Variants in TENM4 observed in about 807,000 individuals in gnomAD.
TENM4 encodes the protein teneurin-4.
Under a neutral mutation model 243.3 loss-of-function variants are expected in TENM4, and 82 were observed. The ratio of observed to expected loss-of-function variants is 0.34; its 90% CI spans 0.28 to 0.40. The LOEUF is 0.40. Ranked by LOEUF, TENM4 falls within the 10% of genes least tolerant of loss-of-function variation. The probability of loss-of-function intolerance (pLI) is 1.00; values close to 1 mark genes in which losing one functional copy is unlikely to be tolerated. For synonymous variants in TENM4, 1,412 were observed against 1,456.3 expected, an observed-to-expected ratio of 0.97 and a Z score of 0.69; for missense variants, 3,138 against 3,673.3, an observed-to-expected ratio of 0.85 and a Z score of 3.77.
intron 2 of TENM4, among the ~76,000 whole-genome samples, chr11:79,267,065 C>T (rs1201614020): frequency 6.6e-6 from 1 of 152,126 alleles, no homozygotes; most frequent in East Asian, 1.9e-4. Context: ...CATGATTGGC[C>T]CCACCATCTA....
At chr11:79,361,720 A>C (rs1236113799) in intron 1 of TENM4, among the ~76,000 whole-genome samples, 3 of 152,220 alleles carry the variant, frequency 2.0e-5, no homozygotes, top group African/African-American at 7.2e-5. Context: ...ATAGCAAGAT[A>C]TGTTATTTAA....
chr11:79,284,939 T>G (rs1856222418), intron 2 of TENM4, among the ~76,000 whole-genome samples: 1 of 152,054 alleles, frequency 6.6e-6, no homozygotes, highest in Non-Finnish European at 1.5e-5. Flanking sequence ...TAAGAACATG[T>G]AAAGATGGTG....
chr11:79,117,400 T>C (rs959222933), intron 4 of TENM4, among the ~76,000 whole-genome samples: 1 of 152,172 alleles, frequency 6.6e-6, no homozygotes, highest in Non-Finnish European at 1.5e-5. Context: ...ACAATCCCAG[T>C]CTCTAGAAGA....
At chr11:79,153,197 C>G (rs1008437757) in intron 3 of TENM4, among the ~76,000 whole-genome samples, 1 of 152,064 alleles carries the variant, frequency 6.6e-6, no homozygotes, top group Non-Finnish European at 1.5e-5. Context: ...AATTCAAAAC[C>G]CTTTTATAAA....
intron 33 of TENM4, 81 bp from the exon 34 acceptor site, chr11:78,658,897 G>C (rs748258062): frequency 8.8e-5 from 130 of 1,479,974 alleles, no homozygotes; most frequent in Non-Finnish European, 1.1e-4. Context: ...CTTAAATAAT[G>C]AAGTCAAAAC....
At chr11:79,091,368 T>C (rs971557003) in intron 4 of TENM4, among the ~76,000 whole-genome samples, 1 of 152,192 alleles carries the variant, frequency 6.6e-6, no homozygotes, top group African/African-American at 2.4e-5. Flanking sequence ...TATCTATTGA[T>C]TATCTGTTAT....
chr11:79,199,027 A>T (rs887557787), intron 3 of TENM4, among the ~76,000 whole-genome samples: 3 of 152,194 alleles, frequency 2.0e-5, no homozygotes, highest in African/African-American at 7.2e-5. Context: ...GCAAGTTAGC[A>T]GAACTGGAAG....
intron 7 of TENM4, among the ~76,000 whole-genome samples, chr11:78,892,723 A>C (rs1253609290): frequency 6.6e-6 from 1 of 152,210 alleles, no homozygotes; most frequent in Non-Finnish European, 1.5e-5. Context: ...TCTAATTTAA[A>C]TTTTATTCCT....
intron 4 of TENM4, chr11:79,092,958 CA>C (rs1860996063): frequency 6.6e-6 from 1 of 152,232 alleles, no homozygotes. Context: ...AGCTGTCTCA[CA>C]AACTTGAGAG....
chr11:79,183,711 A>C, intron 3 of TENM4, among the ~76,000 whole-genome samples: 1 of 152,182 alleles, frequency 6.6e-6, no homozygotes, highest in East Asian at 1.9e-4. Context: ...CTTCTCTTGA[A>C]AATAAAGTTT....
chr11:78,905,824 C>A (rs1165696949), intron 6 of TENM4, among the ~76,000 whole-genome samples: 5 of 152,244 alleles, frequency 3.3e-5, no homozygotes, highest in Non-Finnish European at 7.3e-5. Context: ...ACTCAGAGAA[C>A]AGGGAGTATT....
chr11:79,197,342 GT>G (rs72366488), intron 3 of TENM4, among the ~76,000 whole-genome samples: 1,545 of 62,904 alleles, frequency 0.025, 36 homozygotes, highest in African/African-American at 0.094. Context: ...TCACCTGGAA[GT>G]TTTTTTTTTT....
At chr11:79,233,677 C>T (rs949130102) in intron 2 of TENM4, among the ~76,000 whole-genome samples, 8 of 152,044 alleles carry the variant, frequency 5.3e-5, no homozygotes, top group African/African-American at 1.9e-4. Context: ...GAGGAGATCG[C>T]CAGTTGGGGT....
intron 3 of TENM4, among the ~76,000 whole-genome samples, chr11:79,160,717 T>G (rs766885875): frequency 3.9e-5 from 6 of 152,156 alleles, no homozygotes; most frequent in Non-Finnish European, 8.8e-5. Context: ...AAGATCAACA[T>G]TACAATTTAC....
chr11:78,806,361 A>G (rs1484256190), intron 14 of TENM4, among the ~76,000 whole-genome samples: 4 of 152,150 alleles, frequency 2.6e-5, no homozygotes, highest in African/African-American at 9.7e-5. Context: ...ACACTTCAAT[A>G]TGTGCTGACT....
chr11:79,324,404 A>G (rs1332779787), intron 1 of TENM4, among the ~76,000 whole-genome samples: 1 of 152,042 alleles, frequency 6.6e-6, no homozygotes, highest in African/African-American at 2.4e-5. Flanking sequence ...AAAAAAATGT[A>G]GAGATCAGGT....
intron 12 of TENM4, among the ~76,000 whole-genome samples, chr11:78,840,440 C>G (rs1858231298): frequency 6.6e-6 from 1 of 152,142 alleles, no homozygotes; most frequent in Non-Finnish European, 1.5e-5. Context: ...CATGAACAAG[C>G]AGCTACTCAA....
chr11:79,038,637 C>T (rs528159108), intron 6 of TENM4, among the ~76,000 whole-genome samples: 3 of 152,280 alleles, frequency 2.0e-5, no homozygotes, highest in African/African-American at 7.2e-5. Flanking sequence ...GCAGAAACTC[C>T]TTTTTTTCTC....
At chr11:79,409,166 G>T (rs548849541) in intron 1 of TENM4, among the ~76,000 whole-genome samples, 19 of 149,138 alleles carry the variant, frequency 1.3e-4, no homozygotes, top group African/African-American at 4.4e-4. Context: ...AGAATAAGCT[G>T]TAGAGATAAA....
Sources: gnomAD v4.1 joint callset for allele counts (sites outside exome capture counted in the v4.1 genomes callset) on GRCh38, gnomAD v4.1.1 for gene constraint, MANE v1.5 for transcripts, NCBI Gene and HGNC (gene_info 2026-07-23, HGNC 2026-07-21) for gene names.